Variants in KIAA1958 observed in about 807,000 individuals in gnomAD.
KIAA1958 encodes KIAA1958.
In KIAA1958, 14 loss-of-function variants were observed where a neutral mutation model predicts 47.2. The observed-to-expected ratio is 0.30, with a 90% confidence interval of 0.20 to 0.46. KIAA1958 has a LOEUF of 0.46. Ranked by LOEUF, KIAA1958 falls within the 20% of genes least tolerant of loss-of-function variation. The pLI, the probability that KIAA1958 is intolerant of heterozygous loss-of-function variation, is 1.00. For synonymous variants in KIAA1958, 354 were observed against 353.3 expected (o/e 1.00, Z -0.02); for missense variants, 803 against 909.2 (o/e 0.88, Z 1.50).
At chr9:112,651,931 T>A (rs1432966547) in intron 3 of KIAA1958, among the ~76,000 whole-genome samples, 1 of 152,130 alleles carries the variant, frequency 6.6e-6, no homozygotes, top group East Asian at 1.9e-4. Flanking sequence ...CTAAAATCAA[T>A]GAATGTGAAA....
intron 1 of KIAA1958, among the ~76,000 whole-genome samples, chr9:112,538,176 A>C (rs898140690): frequency 1.3e-4 from 20 of 152,006 alleles, no homozygotes; most frequent in Non-Finnish European, 8.8e-5. Flanking sequence ...ACAAAAAATA[A>C]AAAATAAAAA....
intron 1 of KIAA1958, among the ~76,000 whole-genome samples, chr9:112,520,317 A>ATATT (rs1247591675): frequency 6.6e-6 from 1 of 152,142 alleles, no homozygotes; most frequent in Non-Finnish European, 1.5e-5. Flanking sequence ...ATAGTCTCAA[A>ATATT]TAACTAGAGG....
chr9:112,489,183 TC>T (rs1207007400), intron 1 of KIAA1958, among the ~76,000 whole-genome samples: 2 of 152,236 alleles, frequency 1.3e-5, no homozygotes, highest in African/African-American at 4.8e-5. Flanking sequence ...GGAATGGAGT[TC>T]TAGACCACTC....
chr9:112,540,409 G>T (rs1199206276), intron 1 of KIAA1958, among the ~76,000 whole-genome samples: 2 of 152,142 alleles, frequency 1.3e-5, no homozygotes, highest in Non-Finnish European at 2.9e-5. Context: ...GATAGATAAA[G>T]CAAAGATGGC....
chr9:112,595,085 C>T (rs563854098), intron 2 of KIAA1958, among the ~76,000 whole-genome samples: 1 of 152,312 alleles, frequency 6.6e-6, no homozygotes, highest in East Asian at 1.9e-4. Flanking sequence ...TTAATATTTT[C>T]ACTTTACCTG....
At chr9:112,559,796 A>G (rs1027754146) in intron 1 of KIAA1958, among the ~76,000 whole-genome samples, 12 of 152,216 alleles carry the variant, frequency 7.9e-5, no homozygotes, top group African/African-American at 2.4e-4. Flanking sequence ...TCTATTTACT[A>G]TACTTCTTTG....
At chr9:112,566,105 A>AT (rs1835423950) in intron 1 of KIAA1958, among the ~76,000 whole-genome samples, 1 of 151,806 alleles carries the variant, frequency 6.6e-6, no homozygotes, top group African/African-American at 2.4e-5. Flanking sequence ...GGGTTTCACC[A>AT]TGTTAGCCAG....
At chr9:112,558,147 C>A (rs571491871) in intron 1 of KIAA1958, among the ~76,000 whole-genome samples, 1 of 152,074 alleles carries the variant, frequency 6.6e-6, no homozygotes, top group Non-Finnish European at 1.5e-5. Context: ...ATCGCTTGAA[C>A]CCGGGAGGCG....
chr9:112,667,307 T>G lies in KIAA1958; in HGVS notation c.*7238T>G, dbSNP rs1308044883. The G allele has an allele frequency of 1.3e-5, 2 of 152,230 alleles. No individual in the cohort carries two copies. Among genetic ancestry groups the G allele is most frequent in the Non-Finnish European group, 2.9e-5 (2 of 68,048 alleles). The allele number at this position is 152,230 out of a possible 1,614,324, so 9.4% of individuals were successfully genotyped here. On this transcript the variant is annotated 3_prime_UTR_variant, in exon 4 of 4. Coordinates refer to ENST00000337530, the MANE Select transcript of KIAA1958 (RefSeq NM_133465.4). ...AAAAAAGTCAATGGGCCAGGCGCGGTGGCTCACGCCTATAATCCAAGCACT... is the reference window on the plus strand; with the variant it reads ...AAAAAAGTCAATGGGCCAGGCGCGGGGGCTCACGCCTATAATCCAAGCACT...
At chr9:112,637,715 T>G (rs569861142) in intron 2 of KIAA1958, among the ~76,000 whole-genome samples, 1 of 152,304 alleles carries the variant, frequency 6.6e-6, no homozygotes, top group Admixed American at 6.5e-5. Flanking sequence ...TAGTATAAAT[T>G]TTAGACTTGT....
intron 1 of KIAA1958, among the ~76,000 whole-genome samples, chr9:112,527,623 A>G (rs1834680404): frequency 6.6e-6 from 1 of 152,082 alleles, no homozygotes; most frequent in Admixed American, 6.6e-5. Context: ...GAAGGGGTCA[A>G]GCGGTAAAAT....
At chr9:112,525,144 C>A (rs1834619013) in intron 1 of KIAA1958, among the ~76,000 whole-genome samples, 1 of 152,190 alleles carries the variant, frequency 6.6e-6, no homozygotes, top group African/African-American at 2.4e-5. Flanking sequence ...CCCCAGAATT[C>A]CCTCCACAGG....
intron 2 of KIAA1958, among the ~76,000 whole-genome samples, chr9:112,617,194 A>G (rs1836420863): frequency 1.3e-5 from 2 of 152,226 alleles, no homozygotes; most frequent in Non-Finnish European, 2.9e-5. Flanking sequence ...ATTCAAATGT[A>G]ACTGTCCTGT....
At chr9:112,584,860 G>A (rs1054514138) in intron 2 of KIAA1958, among the ~76,000 whole-genome samples, 1 of 152,182 alleles carries the variant, frequency 6.6e-6, no homozygotes, top group African/African-American at 2.4e-5. Flanking sequence ...CAGGGTTGGC[G>A]ACCAGCATGC....
At chr9:112,621,962 G>A (rs890658512) in intron 2 of KIAA1958, among the ~76,000 whole-genome samples, 3 of 151,998 alleles carry the variant, frequency 2.0e-5, no homozygotes, top group Non-Finnish European at 4.4e-5. Flanking sequence ...GGCTGGTCTC[G>A]AACTCCTAGC....
Position 112,659,112 on chromosome 9 carries a change from C to A in KIAA1958, c.1345-151C>A, listed in dbSNP as rs954986735. On this transcript the variant is annotated intron_variant, in intron 3 of 3. Transcript: ENST00000337530. ...GTGGAGCCAAGTATGGAACCTAGAT[C>A]TTCCAGTTTGAAATTCACTGTTCTT... is the stretch of plus-strand genomic sequence containing the variant. The A allele has an allele frequency of 4.9e-6, 3 of 616,194 alleles. No homozygotes were observed. In the African/African-American group the frequency reaches 5.5e-5, roughly 11 times the overall value. The allele number at this position is 616,194 out of a possible 1,614,324, so 38.2% of individuals were successfully genotyped here.
intron 2 of KIAA1958, among the ~76,000 whole-genome samples, chr9:112,587,650 A>G (rs1404979057): frequency 1.3e-5 from 2 of 152,118 alleles, no homozygotes; most frequent in Non-Finnish European, 2.9e-5. Flanking sequence ...CTTAAAATGG[A>G]TAGGATTGCT....
At chr9:112,609,287 A>G (rs2131207929) in intron 2 of KIAA1958, among the ~76,000 whole-genome samples, 1 of 152,332 alleles carries the variant, frequency 6.6e-6, no homozygotes, top group Non-Finnish European at 1.5e-5. Context: ...ACTCTAAAAA[A>G]CAATGGAGCT....
chr9:112,629,956 C>T (rs1457804460), intron 2 of KIAA1958, among the ~76,000 whole-genome samples: 5 of 152,178 alleles, frequency 3.3e-5, no homozygotes, highest in Non-Finnish European at 5.9e-5. Flanking sequence ...ATTTTTGTAG[C>T]TACAACAAAC....
Sources: gnomAD v4.1 joint callset for allele counts (sites outside exome capture counted in the v4.1 genomes callset) on GRCh38, gnomAD v4.1.1 for gene constraint, MANE v1.5 for transcripts, NCBI Gene and HGNC (gene_info 2026-07-23, HGNC 2026-07-21) for gene names.